Variants in CREB3L2 observed in about 807,000 individuals in gnomAD.
The protein encoded by CREB3L2 is cAMP responsive element binding protein 3 like 2, also known as cyclic AMP-responsive element-binding protein 3-like protein 2.
Under a neutral mutation model 57.2 loss-of-function variants are expected in CREB3L2, and 23 were observed. The observed-to-expected ratio is 0.40, with a 90% CI of 0.29 to 0.57. The LOEUF is 0.57. Ranked by LOEUF, CREB3L2 falls within the 20% of genes least tolerant of loss-of-function variation. The pLI is 0.42. For synonymous variants in CREB3L2, 268 were observed against 265.1 expected (o/e 1.01, Z -0.11); for missense variants, 628 against 634.7 (o/e 0.99, Z 0.11).
chr7:137,968,897 G>T (rs564516957), intron 1 of CREB3L2, among the ~76,000 whole-genome samples: 1 of 152,258 alleles, frequency 6.6e-6, no homozygotes, highest in African/African-American at 2.4e-5. Context: ...GGGGGTTGGA[G>T]AAAAGAAGGA....
intron 1 of CREB3L2, among the ~76,000 whole-genome samples, chr7:137,997,627 C>G (rs1802007671): frequency 6.6e-6 from 1 of 152,040 alleles, no homozygotes; most frequent in African/African-American, 2.4e-5. Flanking sequence ...ACTCTGGAGG[C>G]TGAGGTGGGA....
chr7:137,885,169 C>T, intron 9 of CREB3L2, 48 bp from the exon 10 acceptor site: 1 of 1,605,196 alleles, frequency 6.2e-7, no homozygotes, highest in South Asian at 1.1e-5. Flanking sequence ...CTGTGGACTT[C>T]AGCCTCTGGA....
intron 8 of CREB3L2, among the ~76,000 whole-genome samples, chr7:137,888,178 C>T (rs888765231): frequency 6.6e-6 from 1 of 152,096 alleles, no homozygotes; most frequent in Non-Finnish European, 1.5e-5. Flanking sequence ...TTGCCCAGCT[C>T]GTCTGGAACT....
chr7:137,901,583 G>GAA (rs973300802), intron 7 of CREB3L2, among the ~76,000 whole-genome samples, 161 bp from the exon 8 acceptor site: 3 of 134,870 alleles, frequency 2.2e-5, no homozygotes, highest in Non-Finnish European at 1.6e-5. Context: ...AGAGACTTAA[G>GAA]AAAAAAAAAA....
intron 7 of CREB3L2, among the ~76,000 whole-genome samples, chr7:137,901,874 C>CAA (rs59855306): frequency 8.6e-5 from 5 of 57,824 alleles, no homozygotes; most frequent in Admixed American, 2.9e-4. Context: ...AGATCTGTCT[C>CAA]AAAAAAAAAA....
rs1281174110 is a variant in CREB3L2, at chr7:137,898,819, C to T, written c.1043+2535G>A. ...ATAACAGCAAAGACATGCAAGAGAA[C>T]TTACAGACAAAAAGATATGTAATGG... On this transcript the variant is annotated intron_variant, in intron 8 of 11. Transcript: ENST00000330387. Among the ~76,000 whole-genome samples the T allele has an allele frequency of 2.6e-5, 4 of 151,704 alleles. No homozygotes were observed. The East Asian group carries it at 7.8e-4, about 30-fold the overall frequency.
intron 2 of CREB3L2, among the ~76,000 whole-genome samples, chr7:137,921,558 CCAT>C (rs1800276522): frequency 6.6e-6 from 1 of 152,144 alleles, no homozygotes; most frequent in African/African-American, 2.4e-5. Flanking sequence ...TGCAGATCTT[CCAT>C]CATTTCCATA....
At chr7:137,895,252 G>C (rs1469073529) in intron 8 of CREB3L2, among the ~76,000 whole-genome samples, 1 of 152,254 alleles carries the variant, frequency 6.6e-6, no homozygotes, top group Admixed American at 6.5e-5. Context: ...CATCCAGAAA[G>C]CTTGCAGCTT....
chr7:137,904,046 T>C (rs778685366), intron 6 of CREB3L2, 29 bp from the exon 7 acceptor site: 1 of 1,579,448 alleles, frequency 6.3e-7, no homozygotes, highest in South Asian at 1.1e-5. Context: ...AGGAGAATGA[T>C]TAATTTCCAG....
Position 137,961,929 on chromosome 7 carries a change from A to T in CREB3L2, c.103-33563T>A, listed in dbSNP as rs932696230. ...CCCCCTCACTTTTCTGAACCATGGG[A>T]ACTTCTAGGAAGTTCTTCTAGGAAC... On this transcript the variant is annotated intron_variant, in intron 1 of 11. Transcript: ENST00000330387. Among the ~76,000 whole-genome samples, 3 of 152,050 alleles carry T rather than the reference A, an allele frequency of 2.0e-5. No homozygotes were observed. In the South Asian group the frequency reaches 6.2e-4, roughly 32 times the overall value.
intron 2 of CREB3L2, among the ~76,000 whole-genome samples, chr7:137,922,416 G>GTATATATATATATATATATATA (rs1179011567): frequency 5.8e-5 from 1 of 17,226 alleles, no homozygotes; most frequent in African/African-American, 1.4e-4. Context: ...ATATATATAT[G>GTATATATATATATATATATATA]TATATATATA....
At chr7:137,997,448 C>T (rs1409251617) in intron 1 of CREB3L2, among the ~76,000 whole-genome samples, 2 of 152,082 alleles carry the variant, frequency 1.3e-5, no homozygotes, top group African/African-American at 4.8e-5. Flanking sequence ...GGGCTGAGCA[C>T]AGTGGCTCAC....
chr7:137,878,215 TC>T lies in CREB3L2; in HGVS notation c.*2260del. ...GGGGCTAGAAGTTTCCTTTATCTTCTCCCTCCTCATTTAGAAGAGCACGTTT... is the reference window on the plus strand; with the variant it reads ...GGGGCTAGAAGTTTCCTTTATCTTCTCCTCCTCATTTAGAAGAGCACGTTT... On this transcript the variant is annotated 3_prime_UTR_variant, in exon 12 of 12. Transcript: ENST00000330387. 1 of 232,190 alleles carries T rather than the reference TC, an allele frequency of 4.3e-6. No homozygotes were observed. The highest frequency in any genetic ancestry group is 8.5e-6 in the Non-Finnish European group (1 of 117,420). The allele number at this position is 232,190 out of a possible 1,614,324, so 14.4% of individuals were successfully genotyped here.
intron 1 of CREB3L2, among the ~76,000 whole-genome samples, chr7:137,964,824 T>G (rs1040594703): frequency 1.3e-5 from 2 of 152,188 alleles, no homozygotes; most frequent in African/African-American, 2.4e-5. Flanking sequence ...GATAATTGAA[T>G]GATGGAGGCG....
intron 8 of CREB3L2, among the ~76,000 whole-genome samples, chr7:137,894,107 T>C (rs960590703): frequency 6.6e-6 from 1 of 152,222 alleles, no homozygotes; most frequent in Non-Finnish European, 1.5e-5. Context: ...ACTGCTCTTT[T>C]ATGATGGGCC....
In CREB3L2 at chr7:137,880,257, G is replaced by A. The variant is rs1799264942; in HGVS notation, c.*219C>T. 3.5e-6 allele frequency: 2 copies of A among 566,126 alleles called. No individual in the cohort carries two copies. Among genetic ancestry groups the A allele is most frequent in the East Asian group, 2.9e-5 (1 of 34,332 alleles). The allele number at this position is 566,126 out of a possible 1,614,324, so 35.1% of individuals were successfully genotyped here. A position where few individuals can be genotyped will look rare whatever the true frequency, so the allele number is the denominator to read the frequency against. ...TCCTATGGCAGTAAGAGAAAGGAAG[G>A]GAGGGATGCAGGCTCCCTTCTGCAC... On this transcript the variant is annotated 3_prime_UTR_variant, in exon 12 of 12. Coordinates refer to ENST00000330387, the MANE Select transcript of CREB3L2 (RefSeq NM_194071.4). This position sits in a 1 kb window ranked among gnomAD's most constrained non-coding sequence, Gnocchi z 4.0.
At chr7:137,892,379 G>A (rs1248607293) in intron 8 of CREB3L2, among the ~76,000 whole-genome samples, 5 of 151,378 alleles carry the variant, frequency 3.3e-5, no homozygotes, top group East Asian at 3.9e-4. Flanking sequence ...GGTCAGGCAC[G>A]GTAGCTCATG....
At chr7:137,978,981 T>G (rs1245563495) in intron 1 of CREB3L2, among the ~76,000 whole-genome samples, 1 of 152,192 alleles carries the variant, frequency 6.6e-6, no homozygotes, top group Non-Finnish European at 1.5e-5. Flanking sequence ...ATCTGAGAAC[T>G]TGGAAGCTGT....
rs187872075 is a variant in CREB3L2 at position 137,954,411 on chromosome 7, C to G, written c.103-26045G>C. 3.2e-3 allele frequency among the ~76,000 whole-genome samples: 493 copies of G among 152,264 alleles called. 3 individuals are homozygous for G. The highest frequency in any genetic ancestry group is 0.011 in the African/African-American group (459 of 41,552). ...GTGGACCCAGGCAGGGGGCAGGGGG[C>G]TAGGGATCCTCTCAGAGGTTCCTGT... On this transcript the variant is annotated intron_variant, in intron 1 of 11. Coordinates refer to ENST00000330387, the MANE Select transcript of CREB3L2 (RefSeq NM_194071.4).
Sources: allele counts gnomAD v4.1 joint callset (sites outside exome capture counted in the v4.1 genomes callset), GRCh38; gene constraint gnomAD v4.1.1; non-coding constraint Gnocchi (gnomAD v3.1); transcripts MANE v1.5; gene names NCBI Gene and HGNC (gene_info 2026-07-23, HGNC 2026-07-21).